Variants in EEF1G observed in about 807,000 individuals in gnomAD.
EEF1G encodes eukaryotic translation elongation factor 1 gamma, also known as elongation factor 1-gamma.
EEF1G carries 14 observed loss-of-function variants against 58.3 expected under a neutral mutation model. The observed-to-expected ratio is 0.24, with a 90% CI of 0.16 to 0.38. EEF1G has a LOEUF of 0.38. Ranked by LOEUF, EEF1G falls within the 10% of genes least tolerant of loss-of-function variation. EEF1G has a pLI of 1.00. For missense variants in EEF1G, 322 were observed against 550.1 expected (o/e 0.59, Z 4.15); for synonymous variants, 180 against 206.8 (o/e 0.87, Z 1.11).
chr11:62,569,085 G>A (rs201084469), intron 5 of EEF1G, among the ~76,000 whole-genome samples: 10 of 149,294 alleles, frequency 6.7e-5, no homozygotes, highest in South Asian at 2.1e-4. Context: ...ATACACACAC[G>A]CACACACACA....
intron 6 of EEF1G, 184 bp from the exon 7 acceptor site, chr11:62,567,194 A>G: frequency 1.1e-6 from 1 of 918,724 alleles, no homozygotes; most frequent in Non-Finnish European, 1.6e-6. Context: ...AGCAACAAAT[A>G]CTTTATATCG....
chr11:62,560,762 T>C (rs1278509650), intron 7 of EEF1G, among the ~76,000 whole-genome samples: 2 of 152,110 alleles, frequency 1.3e-5, no homozygotes, highest in African/African-American at 4.8e-5. Flanking sequence ...TTTTTCCCTG[T>C]TCAGGCCCTC....
At chr11:62,567,039 C>T (rs370099895) in intron 6 of EEF1G, 29 bp from the exon 7 acceptor site, 8 of 1,609,834 alleles carry the variant, frequency 5.0e-6, no homozygotes, top group Non-Finnish European at 6.8e-6. Context: ...GGAAAGTGAA[C>T]GAATGTTCTG....
In EEF1G at chr11:62,567,491, G is replaced by C; in HGVS notation, c.560C>G (p.Thr187Ser). 6.2e-7 allele frequency: 1 copy of C among 1,611,536 alleles called. No individual in the cohort carries two copies. The highest frequency in any genetic ancestry group is 8.5e-7 in the Non-Finnish European group (1 of 1,178,720). Residue 187 changes from threonine (T) to serine (S), a missense_variant, in exon 6 of 10, where the codon ACC becomes AGC. Around this residue, in one of 3 missense-constraint regions of EEF1G, gnomAD observed 208 missense variants for 323.7 expected, o/e 0.64. Coordinates refer to ENST00000329251, the MANE Select transcript of EEF1G (RefSeq NM_001404.5). ...AATGCAGGTGAGGAACCAGCGGTTG[G>C]TATTGGGAAAGGCCTGGCGGAAAGA... ...EPSFRQAFPN[T>S]NRWFLTCINQ...
chr11:62,569,346 T>C (rs1337168362), intron 5 of EEF1G, among the ~76,000 whole-genome samples: 1 of 152,094 alleles, frequency 6.6e-6, no homozygotes, highest in African/African-American at 2.4e-5. Context: ...TGGTGGCGCA[T>C]GCCTGTAATC....
In EEF1G at chr11:62,561,090, GTT is replaced by G. The variant is rs199505852; in HGVS notation, c.858-638_858-637del. 6.0e-3 allele frequency among the ~76,000 whole-genome samples: 918 copies of G among 152,284 alleles called. 8 individuals carry two copies. The highest frequency in any genetic ancestry group is 0.021 in the African/African-American group (871 of 41,550). ...TCACTCCCTCCACGATTGGTGCTCT[GTT>G]TTCTTTCTTTCCAGTTATAAACATA... On this transcript the variant is annotated intron_variant, in intron 7 of 9. Coordinates refer to ENST00000329251, the MANE Select transcript of EEF1G (RefSeq NM_001404.5).
At chr11:62,564,805 C>T (rs1040697689) in intron 7 of EEF1G, among the ~76,000 whole-genome samples, 7 of 144,310 alleles carry the variant, frequency 4.9e-5, no homozygotes, top group African/African-American at 1.6e-4. Context: ...CGGTAGCTCA[C>T]ACCTGTAATC....
intron 6 of EEF1G, 63 bp from the exon 7 acceptor site, chr11:62,567,073 C>T (rs1590709283): frequency 6.5e-7 from 1 of 1,545,504 alleles, no homozygotes; most frequent in South Asian, 1.1e-5. Context: ...CCCTCCAAAA[C>T]CACACAGAGC....
At chr11:62,565,533 C>T (rs953350922) in intron 7 of EEF1G, among the ~76,000 whole-genome samples, 1 of 151,968 alleles carries the variant, frequency 6.6e-6, no homozygotes, top group African/African-American at 2.4e-5. Context: ...ACTACTGCCT[C>T]ATTTATTTCC....
chr11:62,563,263 ACTACAGGCGCCTG>A (rs1941519523), intron 7 of EEF1G, among the ~76,000 whole-genome samples: 1 of 151,786 alleles, frequency 6.6e-6, no homozygotes. Context: ...AGTAGCTGGG[ACTACAGGCGCCTG>A]CTACCGCCCC....
chr11:62,571,816 C>T (rs770030780), intron 3 of EEF1G, 22 bp downstream of exon 3: 9 of 1,580,596 alleles, frequency 5.7e-6, no homozygotes, highest in African/African-American at 1.3e-5. Context: ...TTCTCCCATT[C>T]CCATATACCC....
At chr11:62,567,961 C>T (rs977890653) in intron 5 of EEF1G, among the ~76,000 whole-genome samples, 19 of 151,372 alleles carry the variant, frequency 1.3e-4, no homozygotes, top group Admixed American at 3.3e-4. Flanking sequence ...TCAAGTGATC[C>T]GCCCACCTCG....
intron 7 of EEF1G, among the ~76,000 whole-genome samples, chr11:62,564,755 T>C (rs1443255817): frequency 5.2e-5 from 2 of 38,128 alleles, no homozygotes; most frequent in East Asian, 1.4e-3. Context: ...CCAGACTCCA[T>C]CTCAAAAAAA....
chr11:62,562,339 G>A (rs954811418), intron 7 of EEF1G, among the ~76,000 whole-genome samples: 2 of 151,964 alleles, frequency 1.3e-5, no homozygotes, highest in Admixed American at 6.6e-5. Context: ...CTCTTAATTC[G>A]TCTCAAAGTG....
intron 6 of EEF1G, 30 bp downstream of exon 6, chr11:62,567,369 C>T (rs775420753): frequency 1.9e-6 from 3 of 1,590,516 alleles, no homozygotes; most frequent in Non-Finnish European, 2.6e-6. Context: ...CTGATCCTGG[C>T]CATATGCCTC....
intron 7 of EEF1G, among the ~76,000 whole-genome samples, chr11:62,563,155 C>T (rs912685162): frequency 6.6e-6 from 1 of 151,662 alleles, no homozygotes; most frequent in Non-Finnish European, 1.5e-5. Context: ...GAGACGGAGT[C>T]TAGCTCTGTT....
At position 62,571,993 on chromosome 11, in the gene EEF1G, T is replaced by C. The variant is rs1417685289; in HGVS notation, c.172-92A>G. On this transcript the variant is annotated intron_variant, in intron 2 of 9. Transcript: ENST00000329251. Reference sequence around the variant, plus strand: ...CCAAACTGCTTTGAAAATACTTATATAAGGCTGATGATTCTCACTATCCAA... The same window carrying C: ...CCAAACTGCTTTGAAAATACTTATACAAGGCTGATGATTCTCACTATCCAA... The C allele has an allele frequency of 2.8e-6, 3 of 1,073,052 alleles. No homozygotes were observed. In the African/African-American group the frequency reaches 4.7e-5, roughly 17 times the overall value. The allele number at this position is 1,073,052 out of a possible 1,614,324, so 66.5% of individuals were successfully genotyped here.
chr11:62,570,630 C>T (rs1941615679), intron 5 of EEF1G, among the ~76,000 whole-genome samples: 2 of 152,180 alleles, frequency 1.3e-5, no homozygotes, highest in South Asian at 4.1e-4. Flanking sequence ...TCGCTGCTCA[C>T]TGCAACCTCC....
At chr11:62,567,635 C>G (rs1941572469) in intron 5 of EEF1G, 107 bp from the exon 6 acceptor site, 3 of 1,154,132 alleles carry the variant, frequency 2.6e-6, no homozygotes, top group South Asian at 3.6e-5. Context: ...ACCTTCTTTT[C>G]AAACCCTATA....
Sources: allele counts gnomAD v4.1 joint callset (sites outside exome capture counted in the v4.1 genomes callset), GRCh38; gene constraint gnomAD v4.1.1; regional missense constraint gnomAD v4.1.1; transcripts MANE v1.5; gene names NCBI Gene and HGNC (gene_info 2026-07-23, HGNC 2026-07-21).